PPP2R5E: variants seen among roughly 807,000 people sequenced by gnomAD.
PPP2R5E encodes the protein protein phosphatase 2 regulatory subunit B'epsilon.
PPP2R5E carries 4 observed loss-of-function variants against 65.3 expected under a neutral mutation model. The ratio of observed to expected loss-of-function variants is 0.06; its 90% CI spans 0.03 to 0.14. The LOEUF (loss-of-function observed/expected upper bound fraction) is 0.14, where lower values mean the gene tolerates loss of function less well. PPP2R5E is among the 10% of genes least tolerant of loss of function. The pLI is 1.00. For missense variants in PPP2R5E, 274 were observed against 556.1 expected (o/e 0.49, Z 5.10); for synonymous variants, 183 against 187.4 (o/e 0.98, Z 0.19).
chr14:63,453,906 G>T, intron 2 of PPP2R5E, 21 bp from the exon 3 acceptor site: 1 of 1,420,880 alleles, frequency 7.0e-7, no homozygotes, highest in Non-Finnish European at 9.3e-7. Flanking sequence ...AAAAGGAAAT[G>T]GTGTAAGTCT....
rs201121783 is a variant in PPP2R5E, at chr14:63,391,937, T to C, written c.903+35A>G. 634 of 1,606,468 alleles carry C rather than the reference T, an allele frequency of 3.9e-4. 2 individuals are homozygous for C. In the African/African-American group the frequency reaches 7.5e-3, roughly 19 times the overall value. ...ATATACTTCTGGGAAAGGTAATTTT[T>C]CTTAAGTTTTTGAAATTATGGAAAA... On this transcript the variant is annotated intron_variant, in intron 9 of 13. Coordinates refer to ENST00000337537, the MANE Select transcript of PPP2R5E (RefSeq NM_006246.5).
chr14:63,386,720 C>T (rs1884691234), intron 11 of PPP2R5E, among the ~76,000 whole-genome samples: 2 of 151,834 alleles, frequency 1.3e-5, no homozygotes, highest in African/African-American at 2.4e-5. Context: ...GTCAGGAGTT[C>T]GAGACCAGTC....
At chr14:63,430,373 G>GCATACATACATACATACATGCATA (rs1402372223) in intron 3 of PPP2R5E, among the ~76,000 whole-genome samples, 8 of 126,534 alleles carry the variant, frequency 6.3e-5, no homozygotes, top group African/African-American at 2.2e-4. Flanking sequence ...ATACATACAT[G>GCATACATACATACATACATGCATA]CATGCATACA....
At chr14:63,423,190 G>A (rs1887136180) in intron 3 of PPP2R5E, among the ~76,000 whole-genome samples, 1 of 152,192 alleles carries the variant, frequency 6.6e-6, no homozygotes, top group African/African-American at 2.4e-5. Flanking sequence ...CTGCCTCCCA[G>A]GTTCAAGTGA....
chr14:63,418,471 C>A (rs889758751), intron 4 of PPP2R5E, among the ~76,000 whole-genome samples: 1 of 152,140 alleles, frequency 6.6e-6, no homozygotes, highest in South Asian at 2.1e-4. Flanking sequence ...ACGTCAAAAT[C>A]AAAAATCTCC....
In PPP2R5E at chr14:63,472,341, A is replaced by C. The variant is rs2139562252; in HGVS notation, c.158-18456T>G. On this transcript the variant is annotated intron_variant, in intron 2 of 13. Coordinates refer to ENST00000337537, the MANE Select transcript of PPP2R5E (RefSeq NM_006246.5). ...AAAGGACCCCTTTACATTAGTGTTA[A>C]GTCTCTCAAAAGATGATTCAAAGTC... Among the ~76,000 whole-genome samples the C allele has an allele frequency of 3.9e-5, 6 of 152,104 alleles. No homozygotes were observed. In the Middle Eastern group the frequency reaches 0.017, roughly 431 times the overall value.
chr14:63,384,343 C>T (rs945428214), intron 12 of PPP2R5E, 101 bp downstream of exon 12: 43 of 1,352,992 alleles, frequency 3.2e-5, no homozygotes, highest in African/African-American at 1.8e-4. Flanking sequence ...TTTTCACATA[C>T]GTCTTCAGCA....
At chr14:63,416,959 G>A (rs953442870) in intron 4 of PPP2R5E, among the ~76,000 whole-genome samples, 1 of 152,076 alleles carries the variant, frequency 6.6e-6, no homozygotes, top group Non-Finnish European at 1.5e-5. Flanking sequence ...CCACATAATT[G>A]TAGATATTCT....
intron 2 of PPP2R5E, among the ~76,000 whole-genome samples, chr14:63,518,959 C>A: frequency 6.6e-6 from 1 of 152,078 alleles, no homozygotes. Flanking sequence ...TGGCTCATGC[C>A]TGTAATCCCA....
chr14:63,542,014 T>C (rs1302781865), intron 1 of PPP2R5E, among the ~76,000 whole-genome samples: 1 of 152,192 alleles, frequency 6.6e-6, no homozygotes, highest in African/African-American at 2.4e-5. Flanking sequence ...TCCATTCGGG[T>C]ATGTGAATTA....
At chr14:63,431,792 G>A (rs1887684684) in intron 3 of PPP2R5E, among the ~76,000 whole-genome samples, 2 of 152,074 alleles carry the variant, frequency 1.3e-5, no homozygotes, top group African/African-American at 4.8e-5. Flanking sequence ...GATTTCTAAA[G>A]CGAGTAATTA....
chr14:63,477,492 C>G (rs1358156291), intron 2 of PPP2R5E, among the ~76,000 whole-genome samples: 1 of 149,554 alleles, frequency 6.7e-6, no homozygotes, highest in African/African-American at 2.5e-5. Flanking sequence ...CACCCAAGGT[C>G]ATAATGGCAA....
At chr14:63,455,486 C>T (rs1209093908) in intron 2 of PPP2R5E, among the ~76,000 whole-genome samples, 1 of 152,100 alleles carries the variant, frequency 6.6e-6, no homozygotes, top group Non-Finnish European at 1.5e-5. Context: ...TTTCCCTTCC[C>T]CCATCACTCC....
At chr14:63,432,039 CAAA>C (rs5809200) in intron 3 of PPP2R5E, among the ~76,000 whole-genome samples, 2,796 of 116,206 alleles carry the variant, frequency 0.024, 95 homozygotes, top group African/African-American at 0.072. Flanking sequence ...AAGGGAATAT[CAAA>C]AAAAAAAAAA....
At chr14:63,452,924 C>G (rs897170902) in intron 3 of PPP2R5E, 5 of 152,220 alleles carry the variant, frequency 3.3e-5, no homozygotes, top group African/African-American at 1.2e-4. Flanking sequence ...GCTATTTCAC[C>G]AGTCAGTAGA....
chr14:63,430,280 G>A (rs146696178), intron 3 of PPP2R5E, among the ~76,000 whole-genome samples: 1,555 of 151,948 alleles, frequency 0.01, 30 homozygotes, highest in African/African-American at 0.034. Flanking sequence ...TTGGGAGGCC[G>A]AGGCGGGAGG....
intron 2 of PPP2R5E, among the ~76,000 whole-genome samples, chr14:63,472,066 CA>C: frequency 6.6e-6 from 1 of 152,282 alleles, no homozygotes; most frequent in Admixed American, 6.5e-5. Context: ...TGTTGGAGGC[CA>C]AGGCAGGTGG....
rs36182172 is a variant in PPP2R5E at position 63,430,346 on chromosome 14, TATACATAC to T, written c.355-8260_355-8253del. 4.7e-3 allele frequency among the ~76,000 whole-genome samples: 638 copies of T among 135,220 alleles called. 4 individuals carry two copies. Among genetic ancestry groups the T allele is most frequent in the African/African-American group, 0.017 (541 of 31,098 alleles). The allele number at this position is 135,220 out of a possible 152,430, so 88.7% of individuals were successfully genotyped here. On this transcript the variant is annotated intron_variant, in intron 3 of 13. Coordinates refer to ENST00000337537, the MANE Select transcript of PPP2R5E (RefSeq NM_006246.5). ...GTGGCCACAATGGAGAAAACCCATG[TATACATAC>T]ATACATACATACATACATGCATGCA...
chr14:63,441,289 C>T (rs1888225562), intron 3 of PPP2R5E, among the ~76,000 whole-genome samples: 1 of 152,144 alleles, frequency 6.6e-6, no homozygotes, highest in Admixed American at 6.5e-5. Flanking sequence ...TTTACAACAA[C>T]CTACCTAAAT....
Sources: allele counts gnomAD v4.1 joint callset (sites outside exome capture counted in the v4.1 genomes callset), GRCh38; gene constraint gnomAD v4.1.1; transcripts MANE v1.5; gene names NCBI Gene and HGNC (gene_info 2026-07-23, HGNC 2026-07-21).